ADGRA3: variants seen among roughly 807,000 people sequenced by gnomAD.
The protein encoded by ADGRA3 is adhesion G protein-coupled receptor A3.
ADGRA3 carries 56 observed loss-of-function variants against 119.8 expected under a neutral mutation model. The ratio of observed to expected loss-of-function variants is 0.47; its 90% confidence interval spans 0.38 to 0.58. The LOEUF is 0.58. Among genes scored for constraint, ADGRA3 ranks in the 20% least tolerant of loss-of-function variants. The pLI, the probability that ADGRA3 is intolerant of heterozygous loss-of-function variation, is 0.00. For synonymous variants in ADGRA3, 607 were observed against 623.8 expected (o/e 0.97, Z 0.40); for missense variants, 1,516 against 1,649.0 (o/e 0.92, Z 1.40).
intron 3 of ADGRA3, among the ~76,000 whole-genome samples, chr4:22,459,093 G>T (rs369474463): frequency 2.7e-4 from 41 of 152,240 alleles, no homozygotes; most frequent in African/African-American, 9.6e-4. Context: ...AGAAAAATAG[G>T]AGGAAAGCTA....
chr4:22,453,788 A>G (rs897307233), intron 4 of ADGRA3, among the ~76,000 whole-genome samples: 9 of 152,186 alleles, frequency 5.9e-5, no homozygotes, highest in African/African-American at 1.9e-4. Flanking sequence ...ATTTCAAAAT[A>G]AAGCTGTATT....
At position 22,388,636 on chromosome 4, in the gene ADGRA3, A is replaced by G. The variant is rs1713956985; in HGVS notation, c.3035T>C (p.Phe1012Ser). 5.0e-6 allele frequency: 8 copies of G among 1,614,086 alleles called. No individual in the cohort carries two copies. Among genetic ancestry groups the G allele is most frequent in the African/African-American group, 2.7e-5 (2 of 75,038 alleles). Residue 1012 changes from phenylalanine (F) to serine (S), a missense_variant, in exon 19 of 19, where the codon TTT becomes TCT. Phe to Ser is a radical substitution (Grantham distance 155). Around this residue, in one of 2 missense-constraint regions of ADGRA3, gnomAD observed 1,088 missense variants for 1,107.1 expected, o/e 0.98. Coordinates refer to ENST00000334304, the MANE Select transcript of ADGRA3 (RefSeq NM_145290.4). ...ATACAAAGAAACAGCCAAAGCCCCAAACATCCACAGTGCAACATATAAGAG... is the reference window on the plus strand; with the variant it reads ...ATACAAAGAAACAGCCAAAGCCCCAGACATCCACAGTGCAACATATAAGAG... ...TLLLYVALWM[F>S]GALAVSLYYP...
chr4:22,403,585 T>A (rs1018695808), intron 14 of ADGRA3, among the ~76,000 whole-genome samples: 1 of 151,752 alleles, frequency 6.6e-6, no homozygotes, highest in Non-Finnish European at 1.5e-5. Context: ...AGATATATTT[T>A]AAAAACTTAG....
intron 1 of ADGRA3, among the ~76,000 whole-genome samples, chr4:22,486,495 A>G (rs940101780): frequency 3.9e-5 from 6 of 152,180 alleles, no homozygotes; most frequent in African/African-American, 1.2e-4. Flanking sequence ...TACATCAACC[A>G]AAATCTAAAG....
intron 12 of ADGRA3, chr4:22,414,506 T>G: frequency 1.6e-6 from 1 of 620,378 alleles, no homozygotes; most frequent in South Asian, 2.0e-5. Flanking sequence ...AGTGAACAAT[T>G]AACCATCTAA....
chr4:22,417,591 G>T (rs1715480836), intron 12 of ADGRA3, among the ~76,000 whole-genome samples: 1 of 152,150 alleles, frequency 6.6e-6, no homozygotes, highest in Admixed American at 6.5e-5. Context: ...GTTGGGGAGA[G>T]AACCTGAACC....
intron 1 of ADGRA3, among the ~76,000 whole-genome samples, chr4:22,484,391 G>C (rs1460737749): frequency 6.6e-6 from 1 of 152,084 alleles, no homozygotes; most frequent in Non-Finnish European, 1.5e-5. Context: ...GATCACTTGA[G>C]GTCAGGAGTT....
chr4:22,387,978 C>T lies in ADGRA3; in HGVS notation c.3693G>A (p.Gln1231=). The T allele has an allele frequency of 1.9e-6, 3 of 1,614,142 alleles. No individual in the cohort carries two copies. Among genetic ancestry groups the T allele is most frequent in the African/African-American group, 1.3e-5 (1 of 75,032 alleles). Residue 1231 remains glutamine, a synonymous_variant, in exon 19 of 19, where the codon CAG becomes CAA. Transcript: ENST00000334304. ...RRAYLAYRER[Q]YNPPQQDSSD... ...TGCTGTCTTGCTGGGGTGGGTTGTA[C>T]TGTCTCTCTCTGTAGGCTAAATAAG... is the stretch of plus-strand genomic sequence containing the variant.
chr4:22,396,865 C>A (rs1378116137), intron 16 of ADGRA3, among the ~76,000 whole-genome samples: 2 of 152,110 alleles, frequency 1.3e-5, no homozygotes, highest in Non-Finnish European at 2.9e-5. Context: ...TAGAAAATTC[C>A]ACTCAGGACA....
chr4:22,424,516 GA>G (rs2109041991), intron 10 of ADGRA3, among the ~76,000 whole-genome samples, 164 bp from the exon 11 acceptor site: 1 of 152,320 alleles, frequency 6.6e-6, no homozygotes, highest in Non-Finnish European at 1.5e-5. Context: ...CTTCAGATAT[GA>G]ACAGTTATTT....
intron 3 of ADGRA3, among the ~76,000 whole-genome samples, 186 bp downstream of exon 3, chr4:22,461,551 C>G (rs1186305170): frequency 6.6e-6 from 1 of 152,236 alleles, no homozygotes; most frequent in Non-Finnish European, 1.5e-5. Context: ...CCACCCGCCT[C>G]AGCCTCCCAA....
chr4:22,420,763 G>T (rs984737311), intron 12 of ADGRA3, 123 bp downstream of exon 12: 30 of 897,138 alleles, frequency 3.3e-5, no homozygotes, highest in Non-Finnish European at 4.9e-5. Context: ...AGTAGCAAAA[G>T]CAATAATACC....
At chr4:22,466,161 G>A (rs759912599) in intron 2 of ADGRA3, among the ~76,000 whole-genome samples, 13 of 152,130 alleles carry the variant, frequency 8.5e-5, no homozygotes, top group African/African-American at 1.9e-4. Context: ...AAGGATACCC[G>A]TGGTCCCAGC....
At chr4:22,455,383 T>C (rs192479614) in intron 3 of ADGRA3, among the ~76,000 whole-genome samples, 160 of 152,298 alleles carry the variant, frequency 1.1e-3, no homozygotes, top group African/African-American at 3.7e-3. Context: ...GGAACTTTCA[T>C]TTCCTCGGAA....
At chr4:22,507,100 C>A (rs1719266011) in intron 1 of ADGRA3, among the ~76,000 whole-genome samples, 1 of 151,518 alleles carries the variant, frequency 6.6e-6, no homozygotes, top group Non-Finnish European at 1.5e-5. Context: ...ATTAGCCGGG[C>A]ATGGTGGCGG....
At chr4:22,435,514 T>C in intron 9 of ADGRA3, 48 bp from the exon 10 acceptor site, 1 of 1,492,080 alleles carries the variant, frequency 6.7e-7, no homozygotes, top group Non-Finnish European at 9.2e-7. Context: ...ATTAGCAAAA[T>C]GATCAACACA....
chr4:22,506,684 T>C (rs542402788), intron 1 of ADGRA3, among the ~76,000 whole-genome samples: 2 of 152,192 alleles, frequency 1.3e-5, no homozygotes, highest in South Asian at 4.2e-4. Flanking sequence ...TGTCCCACTC[T>C]ACCCGCTACA....
Position 22,436,524 on chromosome 4 carries a change from A to G in ADGRA3, c.1203T>C (p.Asp401=). The change falls in exon 9 of 19, where the codon GAT becomes GAC. Residue 401 remains aspartate (D), a synonymous_variant. Transcript: ENST00000334304. The part of the protein sequence containing the change: ...QDERKAWRRC[D]RGGFWADDDY... ...CATCATCTGCCCAAAAGCCACCTCT[A>G]TCACATCTGCGCCAAGCTTTTCTCT... 6.2e-6 allele frequency: 10 copies of G among 1,613,624 alleles called. No individual in the cohort carries two copies. The highest frequency in any genetic ancestry group is 8.5e-6 in the Non-Finnish European group (10 of 1,179,862).
At chr4:22,515,485 A>C (rs759690201) in intron 1 of ADGRA3, 43 bp downstream of exon 1, 3 of 1,582,598 alleles carry the variant, frequency 1.9e-6, no homozygotes, top group East Asian at 2.4e-5. Flanking sequence ...GAGATAAGAA[A>C]GAGCCGAGCG....
Sources: gnomAD v4.1 joint callset for allele counts (sites outside exome capture counted in the v4.1 genomes callset) on GRCh38, gnomAD v4.1.1 for gene constraint, gnomAD v4.1.1 regional missense constraint, MANE v1.5 for transcripts, NCBI Gene and HGNC (gene_info 2026-07-23, HGNC 2026-07-21) for gene names.